AGBL4: variants seen among roughly 807,000 people sequenced by gnomAD.
AGBL4 encodes the protein AGBL carboxypeptidase 4.
A neutral mutation model predicts 66.4 loss-of-function variants in AGBL4; 58 were observed. That is an observed-to-expected ratio of 0.87 (90% CI 0.71 to 1.09). The LOEUF (loss-of-function observed/expected upper bound fraction) is 1.09, where lower values mean the gene tolerates loss of function less well. Among genes scored for constraint, AGBL4 ranks in the 50% least tolerant of loss-of-function variants. AGBL4 has a pLI of 0.00. For synonymous variants in AGBL4, 234 were observed against 222.9 expected, an observed-to-expected ratio of 1.05 and a Z score of -0.44; for missense variants, 579 against 631.0, an observed-to-expected ratio of 0.92 and a Z score of 0.88.
chr1:49,539,236 T>G (rs1239032554), intron 3 of AGBL4, among the ~76,000 whole-genome samples: 2 of 152,186 alleles, frequency 1.3e-5, no homozygotes, highest in East Asian at 3.8e-4. Context: ...TGATATTTAT[T>G]AAAACATTAA....
intron 2 of AGBL4, among the ~76,000 whole-genome samples, chr1:49,734,512 T>C (rs1156654793): frequency 1.3e-5 from 2 of 151,984 alleles, no homozygotes; most frequent in African/African-American, 4.8e-5. Flanking sequence ...CAATAAAACA[T>C]TGGGAATTAA....
intron 4 of AGBL4, chr1:49,174,997 T>C (rs1197606841): frequency 1.3e-5 from 2 of 152,132 alleles, no homozygotes; most frequent in African/African-American, 2.4e-5. Context: ...AAATGTGATA[T>C]GGACTCACCT....
chr1:48,773,680 A>G (rs1029190631), intron 6 of AGBL4, among the ~76,000 whole-genome samples: 3 of 152,192 alleles, frequency 2.0e-5, no homozygotes, highest in Non-Finnish European at 4.4e-5. Context: ...AACATCGGCT[A>G]CTTTACAAAG....
At chr1:49,640,605 G>A (rs905326909) in intron 3 of AGBL4, among the ~76,000 whole-genome samples, 23 of 152,212 alleles carry the variant, frequency 1.5e-4, no homozygotes, top group African/African-American at 2.9e-4. Context: ...AGCCGTCTGC[G>A]CTAGCAAAGG....
intron 6 of AGBL4, among the ~76,000 whole-genome samples, chr1:48,666,297 G>T (rs1202688934): frequency 6.6e-6 from 1 of 152,086 alleles, no homozygotes; most frequent in African/African-American, 2.4e-5. Context: ...GTGGAGGCAG[G>T]ACAGATGAAG....
intron 3 of AGBL4, among the ~76,000 whole-genome samples, chr1:49,466,333 C>G (rs1646630616): frequency 6.6e-6 from 1 of 151,856 alleles, no homozygotes; most frequent in African/African-American, 2.4e-5. Context: ...TCACAGGAAT[C>G]AAGATTTGAC....
intron 3 of AGBL4, among the ~76,000 whole-genome samples, chr1:49,530,410 T>G (rs933466364): frequency 1.3e-5 from 2 of 151,938 alleles, no homozygotes; most frequent in African/African-American, 4.8e-5. Flanking sequence ...CATTTAACAT[T>G]AGGTATATCT....
At chr1:49,000,387 C>T (rs751575538) in intron 5 of AGBL4, among the ~76,000 whole-genome samples, 4 of 152,146 alleles carry the variant, frequency 2.6e-5, no homozygotes, top group Non-Finnish European at 1.5e-5. Context: ...TGCTATCTTC[C>T]CTGCTAGTCT....
intron 2 of AGBL4, among the ~76,000 whole-genome samples, chr1:49,787,398 G>A (rs2147919701): frequency 6.6e-6 from 1 of 151,952 alleles, no homozygotes; most frequent in East Asian, 1.9e-4. Flanking sequence ...AGCTACTAGG[G>A]AGGCTGAGGC....
At chr1:49,006,626 T>C (rs1385286458) in intron 5 of AGBL4, among the ~76,000 whole-genome samples, 4 of 151,878 alleles carry the variant, frequency 2.6e-5, no homozygotes, top group Admixed American at 6.6e-5. Context: ...TAAATGTCCC[T>C]GTCTGACAGC....
chr1:49,677,010 T>G (rs1005167723), intron 3 of AGBL4, among the ~76,000 whole-genome samples: 5 of 152,094 alleles, frequency 3.3e-5, no homozygotes, highest in Non-Finnish European at 5.9e-5. Flanking sequence ...GCCAGGAATA[T>G]TCTTTTTTTT....
intron 3 of AGBL4, among the ~76,000 whole-genome samples, chr1:49,401,259 A>C (rs1645079651): frequency 6.6e-6 from 1 of 152,184 alleles, no homozygotes; most frequent in African/African-American, 2.4e-5. Flanking sequence ...AAACTATCAG[A>C]TCTTGTGAGA....
chr1:49,438,739 A>T, intron 3 of AGBL4, among the ~76,000 whole-genome samples: 1 of 152,208 alleles, frequency 6.6e-6, no homozygotes, highest in East Asian at 1.9e-4. Context: ...AAAGACAAAT[A>T]AAAAATTTAA....
intron 3 of AGBL4, among the ~76,000 whole-genome samples, chr1:49,649,916 A>C (rs1645967959): frequency 6.6e-6 from 1 of 152,172 alleles, no homozygotes; most frequent in Admixed American, 6.6e-5. Context: ...ATATCAAGAG[A>C]ATATAAGAAA....
At chr1:48,982,178 A>G (rs1374722068) in intron 5 of AGBL4, among the ~76,000 whole-genome samples, 1 of 152,214 alleles carries the variant, frequency 6.6e-6, no homozygotes, top group African/African-American at 2.4e-5. Context: ...GAGCCAGGTG[A>G]CAGGGCTGTG....
intron 6 of AGBL4, among the ~76,000 whole-genome samples, chr1:48,697,786 C>A (rs1646734805): frequency 6.6e-6 from 1 of 152,206 alleles, no homozygotes; most frequent in Non-Finnish European, 1.5e-5. Flanking sequence ...CTCTCTAGAT[C>A]TGGAGCCTGA....
rs184304698 is a variant in AGBL4, at chr1:48,830,542, T to A, written c.634+36649A>T. ...TTCCCCCGATTTTGTATCCACAATGTAGGTAATGTCTGATAAGTTAATAAA... is the reference window on the plus strand; with the variant it reads ...TTCCCCCGATTTTGTATCCACAATGAAGGTAATGTCTGATAAGTTAATAAA... On this transcript the variant is annotated intron_variant, in intron 6 of 13. Coordinates refer to ENST00000371839, the MANE Select transcript of AGBL4 (RefSeq NM_032785.4). Among the ~76,000 whole-genome samples, 3 of 152,346 alleles carry A rather than the reference T, an allele frequency of 2.0e-5. No individual in the cohort carries two copies. The East Asian group carries it at 5.8e-4, about 29-fold the overall frequency.
At position 49,950,112 on chromosome 1, in the gene AGBL4, G is replaced by GTATATACACATATGTGTATA. The variant is rs1210435602; in HGVS notation, c.34+73631_34+73650dup. Among the ~76,000 whole-genome samples the GTATATACACATATGTGTATA allele has an allele frequency of 7.0e-4, 92 of 132,110 alleles. 1 individual carries two copies. Among genetic ancestry groups the GTATATACACATATGTGTATA allele is most frequent in the South Asian group, 5.8e-3 (25 of 4,296 alleles). 86.7% of individuals were successfully genotyped at this position (132,110 alleles called of 152,430 possible). ...TATATATACACATATATATACATAT[G>GTATATACACATATGTGTATA]TATATACACATATGTGTATATATAT... On this transcript the variant is annotated intron_variant, in intron 1 of 13. Coordinates refer to ENST00000371839, the MANE Select transcript of AGBL4 (RefSeq NM_032785.4).
chr1:48,759,445 A>T, intron 6 of AGBL4: 1 of 1,277,538 alleles, frequency 7.8e-7, no homozygotes, highest in Non-Finnish European at 1.0e-6. Context: ...CATTTTATAA[A>T]TGGGGAAACA....
Sources: allele counts gnomAD v4.1 joint callset (sites outside exome capture counted in the v4.1 genomes callset), GRCh38; gene constraint gnomAD v4.1.1; transcripts MANE v1.5; gene names NCBI Gene and HGNC (gene_info 2026-07-23, HGNC 2026-07-21).